Variants in EYA1 observed in about 807,000 individuals in gnomAD.
EYA1 encodes EYA transcriptional coactivator and phosphatase 1, also known as protein phosphatase EYA1.
A neutral mutation model predicts 82.0 loss-of-function variants in EYA1; 16 were observed. The ratio of observed to expected loss-of-function variants is 0.20; its 90% CI spans 0.13 to 0.30. The LOEUF (loss-of-function observed/expected upper bound fraction) is 0.30, where lower values mean the gene tolerates loss of function less well. EYA1 is among the 10% of genes least tolerant of loss of function. The pLI is 1.00. For missense variants in EYA1, 633 were observed against 730.7 expected (o/e 0.87, Z 1.54); for synonymous variants, 261 against 264.4 (o/e 0.99, Z 0.12).
At chr8:71,221,281 C>G (rs905183760) in intron 12 of EYA1, among the ~76,000 whole-genome samples, 2 of 144,792 alleles carry the variant, frequency 1.4e-5, no homozygotes, top group Non-Finnish European at 3.0e-5. Flanking sequence ...ACTATCCATG[C>G]TGGACCTCTA....
chr8:71,424,218 A>G (rs187091011), intron 2 of EYA1, among the ~76,000 whole-genome samples: 2 of 152,362 alleles, frequency 1.3e-5, no homozygotes, highest in Admixed American at 6.5e-5. Context: ...TCTGGCATAC[A>G]TTCCAAATGA....
intron 2 of EYA1, among the ~76,000 whole-genome samples, chr8:71,367,388 C>G (rs796299994): frequency 3.1e-4 from 47 of 152,114 alleles, no homozygotes; most frequent in African/African-American, 1.0e-3. Flanking sequence ...TTTCCTGATG[C>G]ATTTGGATGT....
chr8:71,456,246 C>G (rs1220258879), intron 2 of EYA1, among the ~76,000 whole-genome samples: 20 of 151,946 alleles, frequency 1.3e-4, no homozygotes, highest in Non-Finnish European at 2.2e-4. Context: ...CACTGCTCAA[C>G]AAAATAAAAG....
chr8:71,306,629 G>A (rs186126493), intron 7 of EYA1, among the ~76,000 whole-genome samples: 63 of 152,114 alleles, frequency 4.1e-4, no homozygotes, highest in Non-Finnish European at 7.4e-4. Context: ...CTGCTATATC[G>A]GAAACTCACC....
intron 12 of EYA1, among the ~76,000 whole-genome samples, chr8:71,221,781 C>A (rs755079146): frequency 3.9e-5 from 6 of 152,134 alleles, no homozygotes; most frequent in Admixed American, 6.5e-5. Context: ...TGAATGCAGG[C>A]ACCAGGGTCC....
At chr8:71,445,222 TCC>T (rs2129174065) in intron 2 of EYA1, among the ~76,000 whole-genome samples, 1 of 152,332 alleles carries the variant, frequency 6.6e-6, no homozygotes, top group South Asian at 2.1e-4. Context: ...TTTTTAAAAC[TCC>T]CATTCCATAT....
intron 2 of EYA1, among the ~76,000 whole-genome samples, chr8:71,381,426 C>T (rs1202394604): frequency 6.6e-6 from 1 of 152,054 alleles, no homozygotes; most frequent in Non-Finnish European, 1.5e-5. Flanking sequence ...CTGCTCTATG[C>T]CAAAAGGAGA....
At chr8:71,323,250 T>C (rs1822788391) in intron 4 of EYA1, among the ~76,000 whole-genome samples, 1 of 152,168 alleles carries the variant, frequency 6.6e-6, no homozygotes, top group Non-Finnish European at 1.5e-5. Context: ...CTCTAATCTC[T>C]ATCGGGCTAA....
chr8:71,321,659 TTAAG>T, intron 6 of EYA1, 71 bp downstream of exon 6: 1 of 1,550,672 alleles, frequency 6.4e-7, no homozygotes, highest in Non-Finnish European at 8.7e-7. Flanking sequence ...GATTGGGTCT[TTAAG>T]TACCACTCAA....
intron 9 of EYA1, among the ~76,000 whole-genome samples, chr8:71,273,509 T>G (rs1407595558): frequency 6.6e-6 from 1 of 152,226 alleles, no homozygotes; most frequent in Non-Finnish European, 1.5e-5. Flanking sequence ...CTTCCATGTT[T>G]TAAAGAGAAT....
chr8:71,533,158 G>C (rs1250901979), intron 2 of EYA1, among the ~76,000 whole-genome samples: 1 of 152,222 alleles, frequency 6.6e-6, no homozygotes, highest in Non-Finnish European at 1.5e-5. Context: ...GGGTCCAAGA[G>C]GGCTTTCTGG....
At chr8:71,488,613 GTTCTAAATT>G (rs1163736923) in intron 2 of EYA1, among the ~76,000 whole-genome samples, 4 of 152,188 alleles carry the variant, frequency 2.6e-5, no homozygotes, top group African/African-American at 9.7e-5. Context: ...CTGCTACACA[GTTCTAAATT>G]TTGATCTGGG....
intron 2 of EYA1, among the ~76,000 whole-genome samples, chr8:71,522,706 C>A (rs1813493861): frequency 6.6e-6 from 1 of 151,234 alleles, no homozygotes; most frequent in Admixed American, 6.6e-5. Flanking sequence ...GCAGCCTTGA[C>A]CTCCAGGGCT....
upstream of EYA1, chr8:71,362,172 T>C (rs1261176462): frequency 6.1e-6 from 6 of 979,586 alleles, no homozygotes; most frequent in Non-Finnish European, 7.3e-6. Flanking sequence ...TTTTTTTTTT[T>C]TTTTTTTTGG....
At chr8:71,420,284 C>G (rs1831077900) in intron 2 of EYA1, among the ~76,000 whole-genome samples, 1 of 152,110 alleles carries the variant, frequency 6.6e-6, no homozygotes, top group Non-Finnish European at 1.5e-5. Flanking sequence ...TGGGTGCATG[C>G]ATTATTTAAT....
intron 7 of EYA1, among the ~76,000 whole-genome samples, chr8:71,312,778 A>C (rs148390293): frequency 1.3e-5 from 2 of 152,226 alleles, no homozygotes; most frequent in South Asian, 2.1e-4. Flanking sequence ...AGATTAAATA[A>C]GATGTCACAA....
At chr8:71,432,236 A>T (rs1380394349) in intron 2 of EYA1, among the ~76,000 whole-genome samples, 1 of 152,226 alleles carries the variant, frequency 6.6e-6, no homozygotes, top group East Asian at 1.9e-4. Context: ...CTACACAAGG[A>T]TGTAAAGGGT....
At chr8:71,243,686 G>T (rs1812753649) in intron 12 of EYA1, among the ~76,000 whole-genome samples, 1 of 152,136 alleles carries the variant, frequency 6.6e-6, no homozygotes, top group African/African-American at 2.4e-5. Context: ...AATGATTTTG[G>T]CTCATCTATT....
upstream of EYA1, chr8:71,362,299 T>A: frequency 1.5e-6 from 1 of 657,780 alleles, no homozygotes; most frequent in Non-Finnish European, 1.9e-6. Flanking sequence ...AAAAAAAAAT[T>A]ATGTAAATGA....
Sources: gnomAD v4.1 joint callset for allele counts (sites outside exome capture counted in the v4.1 genomes callset) on GRCh38, gnomAD v4.1.1 for gene constraint, MANE v1.5 for transcripts, NCBI Gene and HGNC (gene_info 2026-07-23, HGNC 2026-07-21) for gene names.